CD180: variants seen among roughly 807,000 people sequenced by gnomAD.
The protein encoded by CD180 is CD180 antigen.
Under a neutral mutation model 10.7 loss-of-function variants are expected in CD180, and 11 were observed. The ratio of observed to expected loss-of-function variants is 1.03; its 90% confidence interval spans 0.65 to 1.70. CD180 has a LOEUF of 1.70. Among genes scored for constraint, CD180 ranks in the 40% most tolerant of loss-of-function variants. The probability of loss-of-function intolerance (pLI) is 0.00; values close to 1 mark genes in which losing one functional copy is unlikely to be tolerated. For synonymous variants in CD180, 286 were observed against 294.6 expected, an observed-to-expected ratio of 0.97 and a Z score of 0.30; for missense variants, 729 against 775.2, an observed-to-expected ratio of 0.94 and a Z score of 0.71.
Position 67,182,896 on chromosome 5 carries a change from T to C in CD180, c.1947A>G (p.Ala649=). 2 of 1,612,380 alleles carry C rather than the reference T, an allele frequency of 1.2e-6. No individual in the cohort carries two copies. Among genetic ancestry groups the C allele is most frequent in the Non-Finnish European group, 1.7e-6 (2 of 1,179,182 alleles). Residue 649 remains alanine (A), a synonymous_variant, in exon 3 of 3, where the codon GCA becomes GCG. Coordinates refer to ENST00000256447, the MANE Select transcript of CD180 (RefSeq NM_005582.3). ...ATTTCCACCTGAGAAGGTATTTAAC[T>C]GCAAAAAATAGCAGAATAGCCAACA... ...LLLLAILLFF[A]VKYLLRWKYQ... is the part of the protein sequence containing the mutation.
Position 67,181,633 on chromosome 5 carries a change from T to A in CD180, c.*1224A>T, listed in dbSNP as rs750348418. Reference sequence around the variant, plus strand: ...TCTATCTCTACCCTAAAATTGGTTATTGAACAGAACAATGCACCACTTGAG... The same window carrying A: ...TCTATCTCTACCCTAAAATTGGTTAATGAACAGAACAATGCACCACTTGAG... On this transcript the variant is annotated 3_prime_UTR_variant, in exon 3 of 3. Coordinates refer to ENST00000256447, the MANE Select transcript of CD180 (RefSeq NM_005582.3). 1 of 152,228 alleles carries A rather than the reference T, an allele frequency of 6.6e-6. No homozygotes were observed. Among genetic ancestry groups the A allele is most frequent in the South Asian group, 2.1e-4 (1 of 4,828 alleles). The allele number at this position is 152,228 out of a possible 1,614,324, so 9.4% of individuals were successfully genotyped here.
intron 1 of CD180, chr5:67,186,314 T>G: frequency 5.2e-6 from 1 of 193,540 alleles, no homozygotes. Context: ...ACCCTCCATA[T>G]ATTGATATGG....
intron 1 of CD180, among the ~76,000 whole-genome samples, chr5:67,194,187 T>A (rs1422747548): frequency 6.6e-6 from 1 of 152,182 alleles, no homozygotes; most frequent in East Asian, 1.9e-4. Flanking sequence ...AGGATGGTAA[T>A]AGCCCTTCTT....
chr5:67,191,169 C>A, intron 1 of CD180: 3 of 848,898 alleles, frequency 3.5e-6, no homozygotes, highest in Non-Finnish European at 4.3e-6. Flanking sequence ...AGGCAAAGGG[C>A]ATTCCAGTTA....
chr5:67,184,685 A>G, intron 2 of CD180, 100 bp from the exon 3 acceptor site: 1 of 991,944 alleles, frequency 1.0e-6, no homozygotes, highest in East Asian at 2.6e-5. Flanking sequence ...GTATCATTCA[A>G]AATCAAATAT....
In CD180 at chr5:67,196,650, A is replaced by T. The variant is rs1286367478; in HGVS notation, c.-9T>A. ...CTGACGTCAAACGCCATCACAGGCT[A>T]GGATTGCTTGGTGGGTTTACCTAAT... On this transcript the variant is annotated 5_prime_UTR_variant, in exon 1 of 3. Coordinates refer to ENST00000256447, the MANE Select transcript of CD180 (RefSeq NM_005582.3). 2 of 1,613,824 alleles carry T rather than the reference A, an allele frequency of 1.2e-6. No homozygotes were observed. The highest frequency in any genetic ancestry group is 2.7e-5 in the African/African-American group (2 of 74,894).
chr5:67,188,060 T>C (rs149238296), intron 1 of CD180, among the ~76,000 whole-genome samples: 1,760 of 151,940 alleles, frequency 0.012, 14 homozygotes, highest in Non-Finnish European at 0.018. Flanking sequence ...ATCCCAGCTA[T>C]TCAGGAGGCT....
chr5:67,185,481 GGT>G (rs1156851504), intron 2 of CD180, among the ~76,000 whole-genome samples: 3 of 152,020 alleles, frequency 2.0e-5, no homozygotes, highest in Non-Finnish European at 4.4e-5. Flanking sequence ...AAAAGTAGAT[GGT>G]GTGCTTTTCT....
chr5:67,185,948 T>G lies in CD180; in HGVS notation c.160A>C (p.Thr54Pro), dbSNP rs772024102. The G allele has an allele frequency of 6.2e-7, 1 of 1,611,946 alleles. No individual in the cohort carries two copies. Among genetic ancestry groups the G allele is most frequent in the Non-Finnish European group, 8.5e-7 (1 of 1,178,878 alleles). The change falls in exon 2 of 3, where the codon ACA (threonine) becomes CCA (proline). Residue 54 changes from threonine (T) to proline (P), a missense_variant. Coordinates refer to ENST00000256447, the MANE Select transcript of CD180 (RefSeq NM_005582.3). Reference sequence around the variant, plus strand: ...AAGCTGAATTCCAAAAATTCTGTTGTGTTTGGTAGAGTGTCAGGGATTTCA... The same window carrying G: ...AAGCTGAATTCCAAAAATTCTGTTGGGTTTGGTAGAGTGTCAGGGATTTCA... ...LSEIPDTLPNTTEFLEFSFNF... is the reference protein window; with the variant it reads ...LSEIPDTLPNPTEFLEFSFNF...
chr5:67,185,867 AG>A lies in CD180; in HGVS notation c.240del (p.Leu82TrpfsTer3), dbSNP rs760513306. ...GATACATACCTAGTTAAATCCAAAA[AG>A]GTAAGATTCATGAGTCTGCTGAAGG... ...NRTFSRLMNLTFLDLTRCQIN... is the reference protein window; with the variant it reads ...NRTFSRLMNLXFLDLTRCQIN... On this transcript the variant is annotated frameshift_variant, in exon 2 of 3. Transcript: ENST00000256447. LOFTEE classifies it low-confidence loss of function (END_TRUNC). 1 of 1,597,522 alleles carries A rather than the reference AG, an allele frequency of 6.3e-7. No individual in the cohort carries two copies. The highest frequency in any genetic ancestry group is 1.2e-5 in the South Asian group (1 of 86,604).
At chr5:67,192,176 G>T (rs5744483) in intron 1 of CD180, among the ~76,000 whole-genome samples, 10,512 of 152,166 alleles carry the variant, frequency 0.069, 949 homozygotes, top group African/African-American at 0.21. Context: ...GGATCAGGAG[G>T]TCAGGAGATC....
In CD180 at chr5:67,181,015, A is replaced by G. The variant is rs977837660; in HGVS notation, c.*1842T>C. The G allele has an allele frequency of 1.3e-5, 2 of 150,650 alleles. No individual in the cohort carries two copies. Among genetic ancestry groups the G allele is most frequent in the African/African-American group, 2.5e-5 (1 of 40,648 alleles). The allele number at this position is 150,650 out of a possible 1,614,324, so 9.3% of individuals were successfully genotyped here. On this transcript the variant is annotated 3_prime_UTR_variant, in exon 3 of 3. Transcript: ENST00000256447. The stretch of plus-strand genomic sequence containing the variant: ...ATCAGTCTCAAAAAAAAAATTATAT[A>G]TATATATACACACACACATACACAC...
At chr5:67,196,501 C>A (rs761546034) in intron 1 of CD180, 51 bp downstream of exon 1, 1 of 1,599,130 alleles carries the variant, frequency 6.3e-7, no homozygotes, top group East Asian at 2.2e-5. Context: ...TGCTAAATCT[C>A]AAAATTTTCA....
chr5:67,184,177 C>A lies in CD180; in HGVS notation c.666G>T (p.Thr222=), dbSNP rs2230521. The A allele has an allele frequency of 6.2e-7, 1 of 1,614,032 alleles. No individual in the cohort carries two copies. The highest frequency in any genetic ancestry group is 1.1e-5 in the South Asian group (1 of 91,072). ...KGIELGAFDS[T]IFQSLNFGGT... ...CTCCAAAGTTCAAACTTTGGAAGAT[C>A]GTTGAATCAAAAGCCCCAAGCTCAA... Residue 222 remains threonine (T), a synonymous_variant, in exon 3 of 3, where the codon ACG becomes ACT. Transcript: ENST00000256447.
At position 67,181,448 on chromosome 5, in the gene CD180, T is replaced by C. The variant is rs1400109036; in HGVS notation, c.*1409A>G. 1 of 152,366 alleles carries C rather than the reference T, an allele frequency of 6.6e-6. No homozygotes were observed. The highest frequency in any genetic ancestry group is 1.5e-5 in the Non-Finnish European group (1 of 68,174). The allele number at this position is 152,366 out of a possible 1,614,324, so 9.4% of individuals were successfully genotyped here. On this transcript the variant is annotated 3_prime_UTR_variant, in exon 3 of 3. Coordinates refer to ENST00000256447, the MANE Select transcript of CD180 (RefSeq NM_005582.3). ...CTGCTGTTCCCTGCCTGCCCTGCTT[T>C]TCCTGGGGGCGAAGAGACAAAAAGG...
intron 1 of CD180, among the ~76,000 whole-genome samples, chr5:67,193,257 T>C (rs1196514859): frequency 2.0e-5 from 3 of 152,208 alleles, no homozygotes; most frequent in African/African-American, 7.2e-5. Flanking sequence ...TAACTATGCA[T>C]GAGCTGAAGG....
At chr5:67,189,102 G>C (rs540947496) in intron 1 of CD180, among the ~76,000 whole-genome samples, 1 of 152,272 alleles carries the variant, frequency 6.6e-6, no homozygotes, top group South Asian at 2.1e-4. Context: ...GTCTCCTTTG[G>C]CATAACTGAT....
chr5:67,195,417 A>G (rs2151169679), intron 1 of CD180, among the ~76,000 whole-genome samples: 2 of 152,264 alleles, frequency 1.3e-5, no homozygotes, highest in East Asian at 1.9e-4. Context: ...GGGTTTTGCC[A>G]TGTTGCCCAG....
Position 67,183,486 on chromosome 5 carries a change from T to G in CD180, c.1357A>C (p.Thr453Pro). The G allele has an allele frequency of 2.5e-6, 4 of 1,614,024 alleles. No individual in the cohort carries two copies. The South Asian group carries it at 4.4e-5, about 18-fold the overall frequency. ...NLHFLQVLNL[T>P]YCFLDTSNQH... ...TTGCTGGTATCAAGGAAGCAGTAAG[T>G]GAGATTCAGAACCTGAAGGAAATGG... is the stretch of plus-strand genomic sequence containing the variant. Residue 453 changes from threonine (T) to proline (P), a missense_variant, in exon 3 of 3, where the codon ACT (threonine) becomes CCT (proline). Physicochemically the swap from Thr to Pro is conservative, Grantham distance 38 (BLOSUM62 -1). Coordinates refer to ENST00000256447, the MANE Select transcript of CD180 (RefSeq NM_005582.3).
Sources: gnomAD v4.1 joint callset for allele counts (sites outside exome capture counted in the v4.1 genomes callset) on GRCh38, gnomAD v4.1.1 for gene constraint, MANE v1.5 for transcripts, NCBI Gene and HGNC (gene_info 2026-07-23, HGNC 2026-07-21) for gene names.